Variants in COL15A1 observed in about 807,000 individuals in gnomAD.
COL15A1 encodes collagen alpha-1(XV) chain.
COL15A1 carries 111 observed loss-of-function variants against 165.9 expected under a neutral mutation model. That is an observed-to-expected ratio of 0.67 (90% confidence interval 0.57 to 0.78). The LOEUF is 0.78. COL15A1 is among the 30% of genes least tolerant of loss of function. COL15A1 has a pLI of 0.00. For missense variants in COL15A1, 1,745 were observed against 1,789.7 expected, an observed-to-expected ratio of 0.98 and a Z score of 0.45; for synonymous variants, 659 against 674.8, an observed-to-expected ratio of 0.98 and a Z score of 0.36.
At chr9:98,997,122 G>A (rs779833576) in intron 6 of COL15A1, 41 bp downstream of exon 6, 4 of 1,611,048 alleles carry the variant, frequency 2.5e-6, no homozygotes, top group Non-Finnish European at 3.4e-6. Context: ...GCCTTTTATT[G>A]GGTGATTACT....
intron 5 of COL15A1, among the ~76,000 whole-genome samples, chr9:98,993,146 G>A (rs1190413588): frequency 2.0e-5 from 3 of 152,150 alleles, no homozygotes; most frequent in Non-Finnish European, 4.4e-5. Flanking sequence ...TTTCCTCCTT[G>A]GTTACAATAG....
rs1317524024 is a variant in COL15A1, at chr9:99,070,659, T to C, written c.*773T>C. On this transcript the variant is annotated 3_prime_UTR_variant, in exon 42 of 42. Transcript: ENST00000375001. ...CTTCCATTTGGCAATTGTTGAATTATAACTGCGACTGAAACAAACAGGTTC... is the reference window on the plus strand; with the variant it reads ...CTTCCATTTGGCAATTGTTGAATTACAACTGCGACTGAAACAAACAGGTTC... 2.2e-6 allele frequency: 1 copy of C among 452,730 alleles called. No homozygotes were observed. The highest frequency in any genetic ancestry group is 2.4e-5 in the Admixed American group (1 of 41,680). 28.0% of individuals were successfully genotyped at this position (452,730 alleles called of 1,614,324 possible).
At position 99,059,954 on chromosome 9, in the gene COL15A1, G is replaced by T; in HGVS notation, c.3402+1G>T. ...AGGGCTTCCCGGATCCAGAAACCTG[G>T]TCAGTATTATCATCAGTGTGTAGTC... On this transcript the variant is annotated splice_donor_variant, in intron 36 of 41. Transcript: ENST00000375001. LOFTEE classifies it high-confidence loss of function. 6.2e-7 allele frequency: 1 copy of T among 1,613,878 alleles called. No homozygotes were observed. Among genetic ancestry groups the T allele is most frequent in the Non-Finnish European group, 8.5e-7 (1 of 1,179,922 alleles).
chr9:98,969,765 C>A (rs1366913060), intron 2 of COL15A1, among the ~76,000 whole-genome samples: 1 of 152,222 alleles, frequency 6.6e-6, no homozygotes, highest in Non-Finnish European at 1.5e-5. Context: ...TCCTGGAGAG[C>A]AGCAGAGACA....
rs149567969 is a variant in COL15A1 at position 98,965,331 on chromosome 9, T to G, written c.101-20234T>G. On this transcript the variant is annotated intron_variant, in intron 2 of 41. Coordinates refer to ENST00000375001, the MANE Select transcript of COL15A1 (RefSeq NM_001855.5). Reference sequence around the variant, plus strand: ...CTCCTAAAGGAAAAAGAATTGAGAGTAGCAAGAGCTGGGAAGTCCCAACCA... The same window carrying G: ...CTCCTAAAGGAAAAAGAATTGAGAGGAGCAAGAGCTGGGAAGTCCCAACCA... Among the ~76,000 whole-genome samples, 488 of 152,218 alleles carry G rather than the reference T, an allele frequency of 3.2e-3. 1 individual carries two copies. The highest frequency in any genetic ancestry group is 0.011 in the African/African-American group (445 of 41,526).
At chr9:98,963,812 G>A (rs114311215) in intron 2 of COL15A1, among the ~76,000 whole-genome samples, 2,155 of 152,290 alleles carry the variant, frequency 0.014, 65 homozygotes, top group African/African-American at 0.049. Context: ...GGGGAACCCA[G>A]TGCTGAGCCA....
chr9:99,067,061 C>A lies in COL15A1; in HGVS notation c.3831C>A (p.Asn1277Lys). Residue 1277 changes from asparagine to lysine, a missense_variant, in exon 40 of 42, where the codon AAC becomes AAA. Physicochemically the swap from Asn to Lys is moderately conservative, Grantham distance 94. Transcript: ENST00000375001. ...KAERYSLPIV[N>K]LKGQVLFNNW... ...AGAGATACAGCCTTCCCATAGTGAA[C>A]CTCAAGGTAAAAATAAATATGGTTC... The A allele has an allele frequency of 6.2e-7, 1 of 1,612,246 alleles. No homozygotes were observed. Among genetic ancestry groups the A allele is most frequent in the Non-Finnish European group, 8.5e-7 (1 of 1,179,032 alleles).
chr9:99,021,732 C>T (rs1172833971), intron 12 of COL15A1, among the ~76,000 whole-genome samples: 4 of 152,282 alleles, frequency 2.6e-5, no homozygotes, highest in Non-Finnish European at 4.4e-5. Flanking sequence ...AGCAGGTGGG[C>T]AGGGCAGGCT....
rs1389872303 is a variant in COL15A1 at position 98,993,315 on chromosome 9, A to C, written c.805-3619A>C. Among the ~76,000 whole-genome samples, 4 of 152,346 alleles carry C rather than the reference A, an allele frequency of 2.6e-5. No homozygotes were observed. In the East Asian group the frequency reaches 5.8e-4, roughly 22 times the overall value. On this transcript the variant is annotated intron_variant, in intron 5 of 41. Transcript: ENST00000375001. ...CAGAGAGCAGCTCAGTGCTGGACTC[A>C]GCACCGGGCATAGTACAGATGCCTC...
intron 12 of COL15A1, among the ~76,000 whole-genome samples, chr9:99,021,505 C>T (rs1564061632): frequency 1.3e-5 from 2 of 152,202 alleles, no homozygotes; most frequent in African/African-American, 2.4e-5. Context: ...GCCAAAACCT[C>T]CTGGGATGCC....
chr9:99,069,788 A>G lies in COL15A1; in HGVS notation c.4069A>G (p.Ser1357Gly), dbSNP rs751103764. ...TAVTGLASPLSTGKILDQKAY... is the reference protein window; with the variant it reads ...TAVTGLASPLGTGKILDQKAY... ...GGTCACGGGACTTGCCTCCCCGCTG[A>G]GCACGGGGAAGATTCTGGACCAGAA... The change falls in exon 42 of 42, where the codon AGC (serine) becomes GGC (glycine). Residue 1357 changes from serine to glycine, a missense_variant. Physicochemically the swap from Ser to Gly is moderately conservative, Grantham distance 56. Coordinates refer to ENST00000375001, the MANE Select transcript of COL15A1 (RefSeq NM_001855.5). 6.2e-7 allele frequency: 1 copy of G among 1,614,252 alleles called. No individual in the cohort carries two copies. Among genetic ancestry groups the G allele is most frequent in the Non-Finnish European group, 8.5e-7 (1 of 1,180,048 alleles).
At chr9:99,032,434 C>T (rs1359485565) in intron 16 of COL15A1, among the ~76,000 whole-genome samples, 2 of 152,102 alleles carry the variant, frequency 1.3e-5, no homozygotes, top group East Asian at 3.9e-4. Context: ...GTGATCTGCC[C>T]ACCTCAGCCT....
chr9:99,024,966 A>G lies in COL15A1; in HGVS notation c.1947A>G (p.Gly649=). The G allele has an allele frequency of 6.2e-7, 1 of 1,613,908 alleles. No homozygotes were observed. Among genetic ancestry groups the G allele is most frequent in the Non-Finnish European group, 8.5e-7 (1 of 1,179,894 alleles). ...DVFMGPPGSP[G]EDGPAGEPGP... ...TCATGGGACCCCCTGGATCTCCTGG[A>G]GAGGATGGACCTGCTGGTGAACCTG... Residue 649 remains glycine (G), a synonymous_variant, in exon 15 of 42, where the codon GGA becomes GGG. Transcript: ENST00000375001.
At chr9:98,959,832 C>T (rs1431981132) in intron 2 of COL15A1, among the ~76,000 whole-genome samples, 1 of 152,158 alleles carries the variant, frequency 6.6e-6, no homozygotes, top group East Asian at 1.9e-4. Context: ...CCTGTCAAAA[C>T]GCTTCCATGT....
At chr9:98,991,175 A>G (rs1284474273) in intron 5 of COL15A1, among the ~76,000 whole-genome samples, 1 of 152,192 alleles carries the variant, frequency 6.6e-6, no homozygotes, top group Non-Finnish European at 1.5e-5. Context: ...CAAAGAGCAA[A>G]AGAACAAAGC....
intron 19 of COL15A1, among the ~76,000 whole-genome samples, chr9:99,035,731 C>G (rs1391857197): frequency 6.6e-6 from 1 of 152,164 alleles, no homozygotes; most frequent in East Asian, 1.9e-4. Context: ...TATTTCCTCC[C>G]TCCAGTTGCC....
At chr9:99,001,232 C>T (rs1163292019) in intron 7 of COL15A1, among the ~76,000 whole-genome samples, 1 of 152,196 alleles carries the variant, frequency 6.6e-6, no homozygotes, top group Non-Finnish European at 1.5e-5. Context: ...CAACCCCGCC[C>T]TCCTGCTCAG....
intron 2 of COL15A1, among the ~76,000 whole-genome samples, chr9:98,982,901 T>G (rs927503982): frequency 2.0e-5 from 3 of 152,196 alleles, no homozygotes; most frequent in African/African-American, 7.2e-5. Flanking sequence ...CCCAAAGTGT[T>G]GGGATTACAG....
chr9:98,991,384 C>T (rs1440818245), intron 5 of COL15A1, among the ~76,000 whole-genome samples: 1 of 152,194 alleles, frequency 6.6e-6, no homozygotes, highest in Non-Finnish European at 1.5e-5. Context: ...CTCATTGGTG[C>T]GTTTACAATC....
Sources: allele counts gnomAD v4.1 joint callset (sites outside exome capture counted in the v4.1 genomes callset), GRCh38; gene constraint gnomAD v4.1.1; transcripts MANE v1.5; gene names NCBI Gene and HGNC (gene_info 2026-07-23, HGNC 2026-07-21).